Variants in NEK11 observed in about 807,000 individuals in gnomAD.
The protein encoded by NEK11 is serine/threonine-protein kinase Nek11.
In NEK11, 72 loss-of-function variants were observed where a neutral mutation model predicts 80.7. The observed-to-expected ratio is 0.89, with a 90% CI of 0.74 to 1.08. The LOEUF (loss-of-function observed/expected upper bound fraction) is 1.08. Among genes scored for constraint, NEK11 ranks in the 50% least tolerant of loss-of-function variants. NEK11 has a pLI of 0.00. For missense variants in NEK11, 764 were observed against 763.6 expected (o/e 1.00, Z -0.01); for synonymous variants, 251 against 260.7 (o/e 0.96, Z 0.36).
chr3:131,137,331 G>T (rs76538081), intron 7 of NEK11, among the ~76,000 whole-genome samples: 1 of 152,086 alleles, frequency 6.6e-6, no homozygotes, highest in Non-Finnish European at 1.5e-5. Flanking sequence ...TTCCAGGGTG[G>T]ACAGGGAAGG....
chr3:131,263,777 G>A (rs1173097749), intron 16 of NEK11, among the ~76,000 whole-genome samples: 1 of 152,124 alleles, frequency 6.6e-6, no homozygotes, highest in African/African-American at 2.4e-5. Context: ...CTAGATCCTT[G>A]AGGAATCACC....
chr3:131,266,293 T>C (rs1316364524), intron 16 of NEK11, among the ~76,000 whole-genome samples: 3 of 152,198 alleles, frequency 2.0e-5, no homozygotes, highest in Non-Finnish European at 2.9e-5. Context: ...TCTTTAATTG[T>C]GATGTTAGGG....
intron 14 of NEK11, among the ~76,000 whole-genome samples, chr3:131,210,738 T>G (rs1396739290): frequency 1.3e-5 from 2 of 152,224 alleles, no homozygotes; most frequent in Non-Finnish European, 2.9e-5. Flanking sequence ...TGGCCTTCTT[T>G]GTCTCTTTTG....
At chr3:131,038,286 C>A (rs142519430) in intron 3 of NEK11, among the ~76,000 whole-genome samples, 10 of 152,074 alleles carry the variant, frequency 6.6e-5, no homozygotes, top group Admixed American at 3.3e-4. Context: ...TAAGGTCAAG[C>A]CTCTGAGCTT....
chr3:131,085,482 A>G lies in NEK11; in HGVS notation c.336+4894A>G, dbSNP rs889902980. Among the ~76,000 whole-genome samples the G allele has an allele frequency of 3.3e-5, 5 of 152,188 alleles. No homozygotes were observed. The South Asian group carries it at 8.3e-4, about 25-fold the overall frequency. On this transcript the variant is annotated intron_variant, in intron 4 of 17. Coordinates refer to ENST00000383366, the MANE Select transcript of NEK11 (RefSeq NM_024800.5). The stretch of plus-strand genomic sequence containing the variant: ...GCTAAAATACAAGGGGGAGTGTGGT[A>G]TGTGTTATGGGAAGGGTATGGTTAA...
At chr3:131,161,841 TA>T (rs749692803) in intron 10 of NEK11, among the ~76,000 whole-genome samples, 2 of 152,224 alleles carry the variant, frequency 1.3e-5, no homozygotes, top group Non-Finnish European at 2.9e-5. Flanking sequence ...AAATAAAAGT[TA>T]AAAAATAAAA....
intron 3 of NEK11, among the ~76,000 whole-genome samples, chr3:131,036,007 A>T (rs2065579114): frequency 1.3e-5 from 2 of 152,226 alleles, no homozygotes; most frequent in Non-Finnish European, 2.9e-5. Flanking sequence ...AAAAGTTCAG[A>T]TGTGCATAAA....
intron 17 of NEK11, among the ~76,000 whole-genome samples, chr3:131,279,395 G>A (rs949431030): frequency 3.3e-5 from 5 of 152,064 alleles, no homozygotes; most frequent in Admixed American, 3.3e-4. Flanking sequence ...TTAATAAGGA[G>A]TATATAATTT....
intron 7 of NEK11, among the ~76,000 whole-genome samples, chr3:131,151,562 A>G (rs2089653732): frequency 6.6e-6 from 1 of 152,128 alleles, no homozygotes; most frequent in South Asian, 2.1e-4. Context: ...TTTATTTCTT[A>G]TCTTTCAAGT....
At chr3:131,280,066 T>C (rs539174060) in intron 17 of NEK11, among the ~76,000 whole-genome samples, 4 of 152,294 alleles carry the variant, frequency 2.6e-5, no homozygotes, top group African/African-American at 9.6e-5. Context: ...AGGGATCAGA[T>C]CCACCTCACT....
chr3:131,114,233 T>G (rs1234880192), intron 5 of NEK11, among the ~76,000 whole-genome samples: 1 of 152,206 alleles, frequency 6.6e-6, no homozygotes, highest in Non-Finnish European at 1.5e-5. Flanking sequence ...TTGTCTGACT[T>G]TAAAACTTTT....
intron 3 of NEK11, among the ~76,000 whole-genome samples, chr3:131,051,173 G>T (rs1486174358): frequency 6.6e-6 from 1 of 152,194 alleles, no homozygotes; most frequent in Non-Finnish European, 1.5e-5. Context: ...AATACTTGGA[G>T]AGTTTTAATT....
At chr3:131,288,985 C>T (rs1482902576) in intron 17 of NEK11, among the ~76,000 whole-genome samples, 1 of 152,218 alleles carries the variant, frequency 6.6e-6, no homozygotes, top group Non-Finnish European at 1.5e-5. Context: ...ATTAAAGCTA[C>T]TCATCAGAAC....
At chr3:131,032,216 C>G (rs2064973660) in intron 3 of NEK11, among the ~76,000 whole-genome samples, 1 of 152,148 alleles carries the variant, frequency 6.6e-6, no homozygotes, top group Admixed American at 6.5e-5. Flanking sequence ...CTTGCCTTGG[C>G]CTCCCAAAGT....
chr3:131,069,556 A>T (rs1250508410), intron 3 of NEK11, among the ~76,000 whole-genome samples: 3 of 152,114 alleles, frequency 2.0e-5, no homozygotes, highest in Non-Finnish European at 4.4e-5. Flanking sequence ...TATTCGCAAT[A>T]GCAAAGACTT....
At chr3:131,113,044 A>G (rs1327788964) in intron 5 of NEK11, among the ~76,000 whole-genome samples, 1 of 152,146 alleles carries the variant, frequency 6.6e-6, no homozygotes, top group Non-Finnish European at 1.5e-5. Flanking sequence ...TCCATGCATG[A>G]GATTGTGAGA....
chr3:131,076,664 A>G (rs557755195), intron 3 of NEK11, among the ~76,000 whole-genome samples: 32 of 152,330 alleles, frequency 2.1e-4, no homozygotes, highest in African/African-American at 3.6e-4. Context: ...CTAAGTGGGT[A>G]CAGTAGCTGC....
rs58272752 is a variant in NEK11, at chr3:131,195,793, A to AATATATATATATATATATATAT, written c.1399+24912_1399+24933dup. ...TATATATAAAGAATATATATTTCAG[A>AATATATATATATATATATATAT]ATATATATATATATATATATATATA... On this transcript the variant is annotated intron_variant, in intron 14 of 17. Transcript: ENST00000383366. Among the ~76,000 whole-genome samples, 253 of 133,826 alleles carry AATATATATATATATATATATAT rather than the reference A, an allele frequency of 1.9e-3. 5 individuals are homozygous for AATATATATATATATATATATAT. Among genetic ancestry groups the AATATATATATATATATATATAT allele is most frequent in the African/African-American group, 7.1e-3 (229 of 32,100 alleles). 87.8% of individuals were successfully genotyped at this position (133,826 alleles called of 152,430 possible). A position where few individuals can be genotyped will look rare whatever the true frequency, so the allele number is the denominator to read the frequency against.
intron 5 of NEK11, among the ~76,000 whole-genome samples, chr3:131,125,766 G>T (rs2083231260): frequency 6.6e-6 from 1 of 152,174 alleles, no homozygotes; most frequent in Non-Finnish European, 1.5e-5. Flanking sequence ...ACCAAGGATA[G>T]TGTTTTAAAA....
Sources: gnomAD v4.1 joint callset for allele counts (sites outside exome capture counted in the v4.1 genomes callset) on GRCh38, gnomAD v4.1.1 for gene constraint, MANE v1.5 for transcripts, NCBI Gene and HGNC (gene_info 2026-07-23, HGNC 2026-07-21) for gene names.